The following ZNF107 variants were observed in gnomAD, a reference collection of about 807,000 sequenced individuals.
The protein encoded by ZNF107 is zinc finger protein 107.
Under a neutral mutation model 12.3 loss-of-function variants are expected in ZNF107, and 19 were observed. The ratio of observed to expected loss-of-function variants is 1.55; its 90% CI spans 1.08 to 2.27. The LOEUF is 2.27. ZNF107 is among the 30% of genes most tolerant of loss of function. The pLI is 0.00. For synonymous variants in ZNF107, 317 were observed against 330.5 expected, an observed-to-expected ratio of 0.96 and a Z score of 0.44; for missense variants, 958 against 979.9, an observed-to-expected ratio of 0.98 and a Z score of 0.30.
intron 2 of ZNF107, 147 bp from the exon 3 acceptor site, chr7:64,691,718 C>A: frequency 2.6e-6 from 1 of 382,134 alleles, no homozygotes; most frequent in Non-Finnish European, 3.8e-6. Flanking sequence ...AAAACCTACA[C>A]ATTTAAAATA....
At position 64,706,785 on chromosome 7, in the gene ZNF107, A is replaced by T; in HGVS notation, c.688A>T (p.Lys230Ter). 3.1e-6 allele frequency: 5 copies of T among 1,613,546 alleles called. No homozygotes were observed. Among genetic ancestry groups the T allele is most frequent in the Non-Finnish European group, 4.2e-6 (5 of 1,179,806 alleles). Residue 230 changes from lysine to a stop codon, truncating the protein, a stop_gained, in exon 4 of 4, where the codon AAA becomes TAA. Transcript: ENST00000620827. LOFTEE classifies it low-confidence loss of function (END_TRUNC). ...KRIHTGEKPYKCEECGKAFNQ... is the reference protein window; with the variant it reads ...KRIHTGEKPY ...AATTCATACTGGAGAAAAGCCCTAC[A>T]AATGTGAAGAATGTGGCAAAGCCTT...
In ZNF107 at chr7:64,691,333, G is replaced by A; in HGVS notation, c.89G>A (p.Arg30Lys). The change falls in exon 2 of 4, where the codon AGG (arginine) becomes AAG (lysine). Residue 30 changes from arginine to lysine, a missense_variant. Physicochemically the swap from Arg to Lys is conservative, Grantham distance 26. Transcript: ENST00000620827. ...GATACTGCACAGCGGGATTTATATA[G>A]GAATGTGTTGTTAGAGAACTACAGA... is the stretch of plus-strand genomic sequence containing the variant. Reference protein sequence around the residue: ...CLDTAQRDLYRNVLLENYRNL... With the variant: ...CLDTAQRDLYKNVLLENYRNL... The A allele has an allele frequency of 9.8e-6, 15 of 1,533,996 alleles. No individual in the cohort carries two copies. The highest frequency in any genetic ancestry group is 2.0e-5 in the Admixed American group (1 of 49,118).
In ZNF107 at chr7:64,709,493, C is replaced by T. The variant is rs1445059567; in HGVS notation, c.*837C>T. On this transcript the variant is annotated 3_prime_UTR_variant, in exon 4 of 4. Coordinates refer to ENST00000620827, the MANE Select transcript of ZNF107 (RefSeq NM_001282359.2). ...TGTGACAATAATTTTGACAACACCTCGAACTTTCTAACATAAATCATACTG... is the reference window on the plus strand; with the variant it reads ...TGTGACAATAATTTTGACAACACCTTGAACTTTCTAACATAAATCATACTG... The T allele has an allele frequency of 2.9e-6, 1 of 345,126 alleles. No individual in the cohort carries two copies. The highest frequency in any genetic ancestry group is 5.6e-6 in the Non-Finnish European group (1 of 179,966). The allele number at this position is 345,126 out of a possible 1,614,324, so 21.4% of individuals were successfully genotyped here. A position where few individuals can be genotyped will look rare whatever the true frequency, so the allele number is the denominator to read the frequency against.
chr7:64,702,681 C>T (rs529813392), intron 3 of ZNF107, among the ~76,000 whole-genome samples: 27 of 152,164 alleles, frequency 1.8e-4, no homozygotes, highest in African/African-American at 2.2e-4. Flanking sequence ...CCTCAGCCTC[C>T]GGAGTAGCTG....
Position 64,709,986 on chromosome 7 carries a change from C to T in ZNF107, c.*1330C>T, listed in dbSNP as rs189835570. ...TTAAAAATTTTACAAAAATTAGCTG[C>T]GTGTGGTGGCAGGCCCCTGTAATCC... On this transcript the variant is annotated 3_prime_UTR_variant, in exon 4 of 4. Transcript: ENST00000620827. The T allele has an allele frequency of 9.1e-4, 229 of 250,790 alleles. No individual in the cohort carries two copies. Among genetic ancestry groups the T allele is most frequent in the Admixed American group, 1.8e-3 (31 of 17,418 alleles). The allele number at this position is 250,790 out of a possible 1,614,324, so 15.5% of individuals were successfully genotyped here.
rs1413570695 is a variant in ZNF107 at position 64,710,965 on chromosome 7, A to G, written c.*2309A>G. The stretch of plus-strand genomic sequence containing the variant: ...TTAATCTTAGTTAAAATTAAAGTGA[A>G]TTAGTAGTATATCATTTTACTATTT... On this transcript the variant is annotated 3_prime_UTR_variant, in exon 4 of 4. Transcript: ENST00000620827. The G allele has an allele frequency of 1.3e-5, 2 of 152,202 alleles. No individual in the cohort carries two copies. The highest frequency in any genetic ancestry group is 2.4e-5 in the African/African-American group (1 of 41,468). 9.4% of individuals were successfully genotyped at this position (152,202 alleles called of 1,614,324 possible).
intron 1 of ZNF107, among the ~76,000 whole-genome samples, chr7:64,666,645 C>G (rs1235115205): frequency 6.6e-6 from 1 of 152,146 alleles, no homozygotes; most frequent in African/African-American, 2.4e-5. Context: ...AATCCTGACT[C>G]GGGATGCGGG....
At position 64,707,839 on chromosome 7, in the gene ZNF107, C is replaced by A. The variant is rs372071331; in HGVS notation, c.1742C>A (p.Thr581Asn). 2.5e-6 allele frequency: 4 copies of A among 1,612,578 alleles called. No homozygotes were observed. Among genetic ancestry groups the A allele is most frequent in the Middle Eastern group, 1.7e-4 (1 of 6,046 alleles). Reference protein sequence around the residue: ...GKAFNQSYQLTRHKIVHTKEK... With the variant: ...GKAFNQSYQLNRHKIVHTKEK... ...GCCTTTAATCAATCCTATCAACTTACTAGACATAAGATAGTTCATACTAAA... is the reference window on the plus strand; with the variant it reads ...GCCTTTAATCAATCCTATCAACTTAATAGACATAAGATAGTTCATACTAAA... Residue 581 changes from threonine to asparagine, a missense_variant, in exon 4 of 4, where the codon ACT (threonine) becomes AAT (asparagine). Transcript: ENST00000620827.
rs189122267 is a variant in ZNF107, at chr7:64,708,216, T to C, written c.2119T>C (p.Cys707Arg). ...RIHTGEKPYQ[C>R]AECGKAFNCS... ...TCATACGGGAGAGAAACCTTACCAA[T>C]GTGCAGAATGTGGCAAAGCCTTTAA... Residue 707 changes from cysteine to arginine, a missense_variant, in exon 4 of 4, where the codon TGT (cysteine) becomes CGT (arginine). Physicochemically the swap from Cys to Arg is radical, Grantham distance 180 (BLOSUM62 -3). Transcript: ENST00000620827. 69 of 1,613,418 alleles carry C rather than the reference T, an allele frequency of 4.3e-5. No individual in the cohort carries two copies. The East Asian group carries it at 1.1e-3, about 27-fold the overall frequency.
In ZNF107 at chr7:64,708,179, ACATAAGAGAATT is replaced by A. The variant is rs1213371534; in HGVS notation, c.2087_2098del (p.Lys696_His699del). On this transcript the variant is annotated inframe_deletion, in exon 4 of 4. Coordinates refer to ENST00000620827, the MANE Select transcript of ZNF107 (RefSeq NM_001282359.2). ...ATAACCGATTCTCAAACCTAACTAT[ACATAAGAGAATT>A]CATACGGGAGAGAAACCTTACCAAT... The A allele has an allele frequency of 6.2e-7, 1 of 1,612,254 alleles. No individual in the cohort carries two copies. Among genetic ancestry groups the A allele is most frequent in the East Asian group, 2.2e-5 (1 of 44,834 alleles).
At chr7:64,687,806 A>G (rs1324378226) in intron 1 of ZNF107, among the ~76,000 whole-genome samples, 1 of 152,166 alleles carries the variant, frequency 6.6e-6, no homozygotes, top group Non-Finnish European at 1.5e-5. Context: ...GAATTGTGTA[A>G]TAAAACAGCT....
rs543480025 is a variant in ZNF107, at chr7:64,666,406, C to T, written c.3+121C>T. On this transcript the variant is annotated intron_variant, in intron 1 of 3. Transcript: ENST00000620827. ...CGGCCCCAAGTTCTCCTTGGCGCAG[C>T]TCGGCCCTCAGTCCCCCGCGGCCCC... is the stretch of plus-strand genomic sequence containing the variant. 5.8e-6 allele frequency: 8 copies of T among 1,378,632 alleles called. No homozygotes were observed. In the African/African-American group the frequency reaches 7.2e-5, roughly 12 times the overall value. 85.4% of individuals were successfully genotyped at this position (1,378,632 alleles called of 1,614,324 possible).
In ZNF107 at chr7:64,708,252, A is replaced by T; in HGVS notation, c.2155A>T (p.Thr719Ser). The T allele has an allele frequency of 6.2e-7, 1 of 1,613,582 alleles. No individual in the cohort carries two copies. Among genetic ancestry groups the T allele is most frequent in the Non-Finnish European group, 8.5e-7 (1 of 1,179,770 alleles). Residue 719 changes from threonine to serine, a missense_variant, in exon 4 of 4, where the codon ACC becomes TCC. Physicochemically the swap from Thr to Ser is moderately conservative, Grantham distance 58. Coordinates refer to ENST00000620827, the MANE Select transcript of ZNF107 (RefSeq NM_001282359.2). ...ECGKAFNCSS[T>S]LNRHKIIHTG... ...TGGCAAAGCCTTTAACTGCTCCTCA[A>T]CCCTTAATAGACATAAGATAATTCA...
chr7:64,691,790 C>T, intron 2 of ZNF107, 75 bp from the exon 3 acceptor site: 2 of 773,972 alleles, frequency 2.6e-6, no homozygotes, highest in Non-Finnish European at 3.5e-6. Context: ...ATCCTCTTTA[C>T]TGAGCACCTT....
At chr7:64,672,178 T>C (rs1243696682) in intron 1 of ZNF107, among the ~76,000 whole-genome samples, 2 of 152,118 alleles carry the variant, frequency 1.3e-5, no homozygotes, top group African/African-American at 4.8e-5. Context: ...TTAGCTCTTA[T>C]ACATGAGAAA....
chr7:64,707,869 A>T lies in ZNF107; in HGVS notation c.1772A>T (p.Lys591Ile). 6.2e-7 allele frequency: 1 copy of T among 1,613,720 alleles called. No individual in the cohort carries two copies. The change falls in exon 4 of 4, where the codon AAA (lysine) becomes ATA (isoleucine). Residue 591 changes from lysine to isoleucine, a missense_variant. By Grantham distance (102) the Lys-to-Ile change is moderately radical. Transcript: ENST00000620827. ...TRHKIVHTKE[K>I]LNKCEEFGKA... is the part of the protein sequence containing the mutation. ...CATAAGATAGTTCATACTAAAGAGA[A>T]ACTCAACAAATGTGAAGAATTTGGC...
rs745657876 is a variant in ZNF107 at position 64,706,420 on chromosome 7, A to G, written c.323A>G (p.Tyr108Cys). Residue 108 changes from tyrosine to cysteine, a missense_variant, in exon 4 of 4, where the codon TAT becomes TGT. Coordinates refer to ENST00000620827, the MANE Select transcript of ZNF107 (RefSeq NM_001282359.2). ...VTLRRYGKCE[Y>C]ENLQLRKGCK... Reference sequence around the variant, plus strand: ...CTGAGAAGATACGGAAAATGTGAATATGAGAATTTACAGTTAAGAAAAGGC... The same window carrying G: ...CTGAGAAGATACGGAAAATGTGAATGTGAGAATTTACAGTTAAGAAAAGGC... 2.5e-6 allele frequency: 4 copies of G among 1,613,640 alleles called. No individual in the cohort carries two copies. The highest frequency in any genetic ancestry group is 2.5e-6 in the Non-Finnish European group (3 of 1,179,702).
rs938787764 is a variant in ZNF107 at position 64,698,261 on chromosome 7, C to A, written c.226+6301C>A. Among the ~76,000 whole-genome samples the A allele has an allele frequency of 4.0e-5, 6 of 151,282 alleles. No individual in the cohort carries two copies. The South Asian group carries it at 1.2e-3, about 31-fold the overall frequency. On this transcript the variant is annotated intron_variant, in intron 3 of 3. Transcript: ENST00000620827. Reference sequence around the variant, plus strand: ...TTGTCCATTTCTAAATGAAGTAATTCAACTTTATTGTTCAGTTTTAAGAGT... The same window carrying A: ...TTGTCCATTTCTAAATGAAGTAATTAAACTTTATTGTTCAGTTTTAAGAGT...
chr7:64,687,099 CT>C (rs1250930909), intron 1 of ZNF107: 1 of 985,116 alleles, frequency 1.0e-6, no homozygotes, highest in Non-Finnish European at 1.2e-6. Context: ...TCTTAAGATG[CT>C]TTTCTTTTTT....
Sources: gnomAD v4.1 joint callset for allele counts (sites outside exome capture counted in the v4.1 genomes callset) on GRCh38, gnomAD v4.1.1 for gene constraint, MANE v1.5 for transcripts, NCBI Gene and HGNC (gene_info 2026-07-23, HGNC 2026-07-21) for gene names.